Variants in WWP1 observed in about 807,000 individuals in gnomAD.
WWP1 encodes NEDD4-like E3 ubiquitin-protein ligase WWP1.
A neutral mutation model predicts 130.6 loss-of-function variants in WWP1; 49 were observed. The observed-to-expected ratio is 0.38, with a 90% confidence interval of 0.30 to 0.48. The LOEUF (loss-of-function observed/expected upper bound fraction) is 0.48. Ranked by LOEUF, WWP1 falls within the 20% of genes least tolerant of loss-of-function variation. The pLI is 0.99. For missense variants in WWP1, 809 were observed against 1,100.6 expected (o/e 0.74, Z 3.75); for synonymous variants, 332 against 367.8 (o/e 0.90, Z 1.11).
At chr8:86,346,835 AC>A (rs1049523200) in intron 1 of WWP1, among the ~76,000 whole-genome samples, 6 of 152,194 alleles carry the variant, frequency 3.9e-5, no homozygotes, top group African/African-American at 1.4e-4. Context: ...AATGATAAAA[AC>A]ATACACAGAT....
At chr8:86,453,068 T>C (rs2130759479) in intron 21 of WWP1, among the ~76,000 whole-genome samples, 1 of 152,310 alleles carries the variant, frequency 6.6e-6, no homozygotes, top group East Asian at 1.9e-4. Flanking sequence ...TGATAAAATA[T>C]ATCTTAAAAT....
chr8:86,427,718 G>C lies in WWP1; in HGVS notation c.1233G>C (p.Arg411=). The C allele has an allele frequency of 6.2e-7, 1 of 1,613,996 alleles. No individual in the cohort carries two copies. Among genetic ancestry groups the C allele is most frequent in the Non-Finnish European group, 8.5e-7 (1 of 1,179,952 alleles). ...ACACCAGAACAACAACGTGGCAGCG[G>C]CCTACCATGGAATCTGTCCGAAATT... ...DHNTRTTTWQ[R]PTMESVRNFE... The change falls in exon 11 of 25, where the codon CGG becomes CGC. Residue 411 remains arginine, a synonymous_variant. Coordinates refer to ENST00000517970, the MANE Select transcript of WWP1 (RefSeq NM_007013.4).
Position 86,360,142 on chromosome 8 carries a change from C to CAA in WWP1, c.-114-8788_-114-8787dup, listed in dbSNP as rs57679709. Among the ~76,000 whole-genome samples, 232 of 145,248 alleles carry CAA rather than the reference C, an allele frequency of 1.6e-3. 2 individuals carry two copies. The highest frequency in any genetic ancestry group is 5.3e-3 in the African/African-American group (213 of 40,266). On this transcript the variant is annotated intron_variant, in intron 1 of 24. Transcript: ENST00000517970. ...TGGGCAACAGACTGAGACTCCGTCT[C>CAA]AAAAAAAAAACAAAAAACCAAACCA... is the stretch of plus-strand genomic sequence containing the variant.
chr8:86,406,953 G>T (rs979145357), intron 8 of WWP1, among the ~76,000 whole-genome samples: 1 of 152,088 alleles, frequency 6.6e-6, no homozygotes, highest in Non-Finnish European at 1.5e-5. Context: ...GGACAAATAC[G>T]TGGTGCTTTG....
rs551778297 is a variant in WWP1, at chr8:86,389,254, A to G, written c.334+7625A>G. On this transcript the variant is annotated intron_variant, in intron 5 of 24. Transcript: ENST00000517970. ...ACAATAGTGGAGGGAAGGTCAGCAG[A>G]TAAACATGTGAACAAGGGTCTGTGG... 3.3e-5 allele frequency among the ~76,000 whole-genome samples: 5 copies of G among 152,194 alleles called. No individual in the cohort carries two copies. The East Asian group carries it at 5.8e-4, about 18-fold the overall frequency.
At chr8:86,366,450 G>A (rs1823972085) in intron 1 of WWP1, among the ~76,000 whole-genome samples, 2 of 152,114 alleles carry the variant, frequency 1.3e-5, no homozygotes, top group Admixed American at 6.5e-5. Context: ...TAAATGATTC[G>A]GAGGGCTAAA....
Position 86,466,944 on chromosome 8 carries a change from G to C in WWP1, c.*51G>C, listed in dbSNP as rs781320893. The C allele has an allele frequency of 7.4e-5, 102 of 1,378,652 alleles. No individual in the cohort carries two copies. Among genetic ancestry groups the C allele is most frequent in the Non-Finnish European group, 1.0e-4 (99 of 978,806 alleles). The allele number at this position is 1,378,652 out of a possible 1,614,324, so 85.4% of individuals were successfully genotyped here. On this transcript the variant is annotated 3_prime_UTR_variant, in exon 25 of 25. Coordinates refer to ENST00000517970, the MANE Select transcript of WWP1 (RefSeq NM_007013.4). The stretch of plus-strand genomic sequence containing the variant: ...TCTTGCATTTAAATACCCCAGCCAA[G>C]AAAAATTGCACAGATAGTGTATATA...
chr8:86,437,849 G>T (rs1810379883), intron 16 of WWP1, among the ~76,000 whole-genome samples: 1 of 152,120 alleles, frequency 6.6e-6, no homozygotes, highest in African/African-American at 2.4e-5. Context: ...GCCCAGGCTG[G>T]AGTGCAGTGG....
Position 86,468,224 on chromosome 8 carries a change from C to A in WWP1, c.*1331C>A. On this transcript the variant is annotated 3_prime_UTR_variant, in exon 25 of 25. Transcript: ENST00000517970. Reference sequence around the variant, plus strand: ...GAACTGACTTCTTAAAATCTGTTGCCTATAAATATTTCACTGCTAAGTACA... The same window carrying A: ...GAACTGACTTCTTAAAATCTGTTGCATATAAATATTTCACTGCTAAGTACA... 1 of 282,044 alleles carries A rather than the reference C, an allele frequency of 3.5e-6. No individual in the cohort carries two copies. Among genetic ancestry groups the A allele is most frequent in the Non-Finnish European group, 6.9e-6 (1 of 145,346 alleles). The allele number at this position is 282,044 out of a possible 1,614,324, so 17.5% of individuals were successfully genotyped here. A position where few individuals can be genotyped will look rare whatever the true frequency, so the allele number is the denominator to read the frequency against.
chr8:86,373,377 T>C (rs995762083), intron 2 of WWP1, among the ~76,000 whole-genome samples: 2 of 152,200 alleles, frequency 1.3e-5, no homozygotes, highest in African/African-American at 4.8e-5. Context: ...TTATTTTTTT[T>C]GTCTGCTTGA....
intron 1 of WWP1, among the ~76,000 whole-genome samples, chr8:86,356,729 T>C (rs1430020674): frequency 1.3e-5 from 2 of 152,306 alleles, no homozygotes; most frequent in African/African-American, 4.8e-5. Context: ...CTTTCTAATG[T>C]TTTCTAGTAA....
intron 1 of WWP1, among the ~76,000 whole-genome samples, chr8:86,343,871 A>C (rs1444865789): frequency 2.0e-5 from 3 of 152,108 alleles, no homozygotes; most frequent in Non-Finnish European, 4.4e-5. Context: ...TACTGGTAAT[A>C]GTAGTGGGAA....
intron 8 of WWP1, among the ~76,000 whole-genome samples, chr8:86,409,785 G>A (rs1040428421): frequency 4.6e-5 from 7 of 151,870 alleles, no homozygotes; most frequent in Admixed American, 2.0e-4. Context: ...GTTTGAACCC[G>A]GGAGGTGGAG....
At chr8:86,449,707 A>G (rs1811070869) in intron 20 of WWP1, among the ~76,000 whole-genome samples, 1 of 152,200 alleles carries the variant, frequency 6.6e-6, no homozygotes, top group Admixed American at 6.5e-5. Context: ...TCTTCTATGA[A>G]TAGTACTACC....
At chr8:86,419,290 C>T (rs867884100) in intron 9 of WWP1, among the ~76,000 whole-genome samples, 8 of 152,170 alleles carry the variant, frequency 5.3e-5, no homozygotes, top group African/African-American at 1.4e-4. Flanking sequence ...TGGTGGCACG[C>T]GCCTGTAGTC....
At position 86,468,475 on chromosome 8, in the gene WWP1, G is replaced by A. The variant is rs545876452; in HGVS notation, c.*1582G>A. ...TGTATGTGACAGGTTATGTGATAGA[G>A]GGAAACTGGCCTTCAAAAAGGACTG... is the stretch of plus-strand genomic sequence containing the variant. On this transcript the variant is annotated 3_prime_UTR_variant, in exon 25 of 25. Coordinates refer to ENST00000517970, the MANE Select transcript of WWP1 (RefSeq NM_007013.4). The A allele has an allele frequency of 4.7e-6, 2 of 425,796 alleles. No individual in the cohort carries two copies. Among genetic ancestry groups the A allele is most frequent in the South Asian group, 1.7e-5 (1 of 58,100 alleles). The allele number at this position is 425,796 out of a possible 1,614,324, so 26.4% of individuals were successfully genotyped here.
rs147977758 is a variant in WWP1, at chr8:86,414,656, G to A, written c.1061+2782G>A. 3.1e-3 allele frequency among the ~76,000 whole-genome samples: 471 copies of A among 152,262 alleles called. 2 individuals are homozygous for A. Among genetic ancestry groups the A allele is most frequent in the African/African-American group, 0.011 (448 of 41,542 alleles). ...CTAACAACAGGATAGGACTATGGGT[G>A]CCTCAATCCTGTTGATTGTAATGTA... On this transcript the variant is annotated intron_variant, in intron 9 of 24. Transcript: ENST00000517970.
At chr8:86,442,428 A>T (rs1367988608) in intron 17 of WWP1, 191 bp from the exon 18 acceptor site, 5 of 421,034 alleles carry the variant, frequency 1.2e-5, no homozygotes, top group Non-Finnish European at 2.0e-5. Flanking sequence ...GTTTGGCCAC[A>T]TCGAAACTAG....
intron 5 of WWP1, among the ~76,000 whole-genome samples, chr8:86,385,393 C>T (rs1284101551): frequency 6.6e-6 from 1 of 151,510 alleles, no homozygotes; most frequent in Non-Finnish European, 1.5e-5. Flanking sequence ...GGTGTTGAGG[C>T]AGTGAAAGAA....
Sources: allele counts gnomAD v4.1 joint callset (sites outside exome capture counted in the v4.1 genomes callset), GRCh38; gene constraint gnomAD v4.1.1; transcripts MANE v1.5; gene names NCBI Gene and HGNC (gene_info 2026-07-23, HGNC 2026-07-21).